Variants in SEMA3A observed in about 807,000 individuals in gnomAD.
SEMA3A encodes the protein semaphorin-3A.
Under a neutral mutation model 97.9 loss-of-function variants are expected in SEMA3A, and 29 were observed. The ratio of observed to expected loss-of-function variants is 0.30; its 90% CI spans 0.22 to 0.40. The LOEUF is 0.40. SEMA3A is among the 10% of genes least tolerant of loss of function. The pLI is 1.00. For synonymous variants in SEMA3A, 321 were observed against 323.7 expected, an observed-to-expected ratio of 0.99 and a Z score of 0.09; for missense variants, 763 against 951.3, an observed-to-expected ratio of 0.80 and a Z score of 2.60.
chr7:84,032,636 A>G lies in SEMA3A; in HGVS notation c.667+13688T>C, dbSNP rs114027162. Reference sequence around the variant, plus strand: ...TTAGAATTCGTGCAAAACAATTCTTATCACACATTCTGTTTAATCTGAAAG... The same window carrying G: ...TTAGAATTCGTGCAAAACAATTCTTGTCACACATTCTGTTTAATCTGAAAG... On this transcript the variant is annotated intron_variant, in intron 6 of 16. Coordinates refer to ENST00000265362, the MANE Select transcript of SEMA3A (RefSeq NM_006080.3). 3.0e-3 allele frequency among the ~76,000 whole-genome samples: 464 copies of G among 152,280 alleles called. 2 individuals carry two copies. The highest frequency in any genetic ancestry group is 0.01 in the African/African-American group (432 of 41,576).
At chr7:84,063,276 C>T (rs1368354206) in intron 4 of SEMA3A, among the ~76,000 whole-genome samples, 1 of 150,038 alleles carries the variant, frequency 6.7e-6, no homozygotes, top group African/African-American at 2.5e-5. Flanking sequence ...TGTACATCAC[C>T]ATCATTGAGG....
intron 6 of SEMA3A, among the ~76,000 whole-genome samples, chr7:84,032,909 CAT>C (rs1314634631): frequency 6.6e-6 from 1 of 151,714 alleles, no homozygotes; most frequent in Non-Finnish European, 1.5e-5. Context: ...AAGGTTATGA[CAT>C]AAAATTTAAA....
At chr7:84,072,821 G>T (rs1793792873) in intron 4 of SEMA3A, among the ~76,000 whole-genome samples, 2 of 151,932 alleles carry the variant, frequency 1.3e-5, no homozygotes, top group Admixed American at 6.6e-5. Flanking sequence ...TGTTAACATT[G>T]CCTTAAAACT....
At chr7:84,350,166 A>G (rs1362888637) in intron 2 of SEMA3A, among the ~76,000 whole-genome samples, 1 of 152,056 alleles carries the variant, frequency 6.6e-6, no homozygotes, top group African/African-American at 2.4e-5. Context: ...GATAACCTCT[A>G]TTGTTTAGAT....
intron 2 of SEMA3A, among the ~76,000 whole-genome samples, chr7:84,131,073 G>C (rs1329648372): frequency 1.3e-5 from 2 of 151,096 alleles, no homozygotes; most frequent in East Asian, 3.9e-4. Flanking sequence ...GACTTAAAAG[G>C]GCCTTTTAAG....
chr7:84,440,346 G>T lies in SEMA3A; in HGVS notation c.-246+52114C>A, dbSNP rs898914883. Among the ~76,000 whole-genome samples, 15 of 152,162 alleles carry T rather than the reference G, an allele frequency of 9.9e-5. No homozygotes were observed. In the East Asian group the frequency reaches 2.9e-3, roughly 29 times the overall value. Reference sequence around the variant, plus strand: ...CACCATATCAAGCAGCTGTCCACATGTTCCTGGTGCAGCTTGAACACAGCT... The same window carrying T: ...CACCATATCAAGCAGCTGTCCACATTTTCCTGGTGCAGCTTGAACACAGCT... On this transcript the variant is annotated intron_variant, in intron 1 of 3. Transcript: ENST00000424555.
chr7:84,127,186 C>A (rs574177958), intron 3 of SEMA3A, among the ~76,000 whole-genome samples: 1 of 152,056 alleles, frequency 6.6e-6, no homozygotes, highest in Non-Finnish European at 1.5e-5. Context: ...TTCATCTCCG[C>A]TTGGTCCAGT....
At chr7:84,020,031 C>CTT (rs1791263472) in intron 6 of SEMA3A, among the ~76,000 whole-genome samples, 3 of 68,508 alleles carry the variant, frequency 4.4e-5, no homozygotes, top group Non-Finnish European at 6.5e-5. Flanking sequence ...TGATTTTTTT[C>CTT]TTTCTTTTTT....
At chr7:84,369,809 T>G (rs1802933506) in intron 2 of SEMA3A, among the ~76,000 whole-genome samples, 1 of 149,514 alleles carries the variant, frequency 6.7e-6, no homozygotes. Context: ...TATTAGTAAT[T>G]AGTAAATTAA....
intron 11 of SEMA3A, among the ~76,000 whole-genome samples, chr7:84,002,430 C>A (rs115263031): frequency 0.011 from 1,714 of 152,174 alleles, 36 homozygotes; most frequent in African/African-American, 0.039. Flanking sequence ...ATCTCAGAAA[C>A]AAAACCTAAA....
At chr7:84,414,613 T>C (rs1180302955) in intron 1 of SEMA3A, among the ~76,000 whole-genome samples, 1 of 152,048 alleles carries the variant, frequency 6.6e-6, no homozygotes, top group Non-Finnish European at 1.5e-5. Context: ...AGTATTCTTG[T>C]CAAAGTTGTT....
chr7:84,387,299 G>A (rs531612149), intron 1 of SEMA3A, among the ~76,000 whole-genome samples: 97 of 151,976 alleles, frequency 6.4e-4, no homozygotes, highest in Non-Finnish European at 1.0e-3. Context: ...TAAATAAATA[G>A]ATAGATAATA....
rs369518646 is a variant in SEMA3A, at chr7:84,063,060, C to T, written c.454-2502G>A. Among the ~76,000 whole-genome samples, 631 of 150,624 alleles carry T rather than the reference C, an allele frequency of 4.2e-3. 3 individuals carry two copies. The highest frequency in any genetic ancestry group is 0.014 in the African/African-American group (557 of 41,136). ...GAGAGCAGTGGTTCTCCCAGCACGC[C>T]GCTGGAGATCTGAGAACGGGCAGAC... On this transcript the variant is annotated intron_variant, in intron 4 of 16. Coordinates refer to ENST00000265362, the MANE Select transcript of SEMA3A (RefSeq NM_006080.3).
chr7:84,339,127 G>A (rs562237535), intron 2 of SEMA3A, among the ~76,000 whole-genome samples: 206 of 152,220 alleles, frequency 1.4e-3, no homozygotes, highest in Non-Finnish European at 2.4e-3. Context: ...TTCAAATGGT[G>A]TGCCCTTGGA....
chr7:84,330,172 T>C (rs759372255), intron 2 of SEMA3A, among the ~76,000 whole-genome samples: 3 of 152,040 alleles, frequency 2.0e-5, no homozygotes, highest in Non-Finnish European at 4.4e-5. Flanking sequence ...GAAATAAATA[T>C]ATTATATCCT....
upstream of SEMA3A, among the ~76,000 whole-genome samples, chr7:84,197,468 T>C (rs914459863): frequency 6.6e-6 from 1 of 152,142 alleles, no homozygotes; most frequent in African/African-American, 2.4e-5. Context: ...AGAAAGTAAA[T>C]GCCTGAAAAA....
At chr7:84,287,379 T>C (rs1007556582) in intron 3 of SEMA3A, among the ~76,000 whole-genome samples, 1 of 152,142 alleles carries the variant, frequency 6.6e-6, no homozygotes, top group Admixed American at 6.6e-5. Context: ...TAAAAAAATT[T>C]TTAGTATATT....
chr7:84,408,449 T>G (rs1221136826), intron 1 of SEMA3A, among the ~76,000 whole-genome samples: 1 of 151,706 alleles, frequency 6.6e-6, no homozygotes, highest in Non-Finnish European at 1.5e-5. Flanking sequence ...TTGGTGGGAC[T>G]GTAAACTAGT....
At chr7:84,420,456 G>C (rs570429245) in intron 1 of SEMA3A, among the ~76,000 whole-genome samples, 1 of 152,034 alleles carries the variant, frequency 6.6e-6, no homozygotes, top group South Asian at 2.1e-4. Flanking sequence ...TGAAAAGTCA[G>C]AAGAAAATAA....
Sources: allele counts gnomAD v4.1 joint callset (sites outside exome capture counted in the v4.1 genomes callset), GRCh38; gene constraint gnomAD v4.1.1; transcripts MANE v1.5; gene names NCBI Gene and HGNC (gene_info 2026-07-23, HGNC 2026-07-21).